Variants in ETNK1 observed in about 807,000 individuals in gnomAD.
ETNK1 encodes putative protein product of Nbla10396.
A neutral mutation model predicts 45.1 loss-of-function variants in ETNK1; 8 were observed. The observed-to-expected ratio is 0.18, with a 90% CI of 0.10 to 0.32. ETNK1 has a LOEUF of 0.32. ETNK1 is among the 10% of genes least tolerant of loss of function. ETNK1 has a pLI of 1.00. For synonymous variants in ETNK1, 152 were observed against 151.9 expected, an observed-to-expected ratio of 1.00 and a Z score of -0.01; for missense variants, 302 against 430.6, an observed-to-expected ratio of 0.70 and a Z score of 2.64.
In ETNK1 at chr12:22,657,088, G is replaced by T. The variant is rs188917415; in HGVS notation, c.417-1926G>T. Among the ~76,000 whole-genome samples, 429 of 152,174 alleles carry T rather than the reference G, an allele frequency of 2.8e-3. 2 individuals are homozygous for T. Among genetic ancestry groups the T allele is most frequent in the African/African-American group, 9.9e-3 (412 of 41,506 alleles). ...TATCACCACCTGGCCTTTCCATCAA[G>T]TTGCCTGGTGCTTAAGTACCACAGT... On this transcript the variant is annotated intron_variant, in intron 2 of 7. Transcript: ENST00000266517.
At chr12:22,673,863 C>T (rs1325961093) in intron 6 of ETNK1, among the ~76,000 whole-genome samples, 1 of 152,136 alleles carries the variant, frequency 6.6e-6, no homozygotes, top group Non-Finnish European at 1.5e-5. Flanking sequence ...CCTGCTATAT[C>T]CCCATCCCCT....
rs762090798 is a variant in ETNK1, at chr12:22,625,448, C to T, written c.18C>T (p.His6=). 1.3e-5 allele frequency: 21 copies of T among 1,592,524 alleles called. No homozygotes were observed. The Admixed American group carries it at 3.3e-4, about 25-fold the overall frequency. ...CCTGGGCCATGGCCAATTACATCCACGTCCCTCCCGGCTCCCCGGAGGTGC... is the reference window on the plus strand; with the variant it reads ...CCTGGGCCATGGCCAATTACATCCATGTCCCTCCCGGCTCCCCGGAGGTGC... MANYI[H]VPPGSPEVPK... is the part of the protein sequence containing the mutation. Residue 6 remains histidine (H), a synonymous_variant, in exon 1 of 8, where the codon CAC becomes CAT. Coordinates refer to ENST00000266517, the MANE Select transcript of ETNK1 (RefSeq NM_018638.5).
intron 2 of ETNK1, among the ~76,000 whole-genome samples, chr12:22,645,432 C>T (rs1417051829): frequency 1.3e-5 from 2 of 151,760 alleles, no homozygotes; most frequent in Non-Finnish European, 3.0e-5. Flanking sequence ...TCAAGGCTGA[C>T]TTTGGTATTT....
At chr12:22,682,311 A>G (rs1347104193) in intron 6 of ETNK1, 1 of 492,116 alleles carries the variant, frequency 2.0e-6, no homozygotes, top group Admixed American at 2.1e-5. Context: ...CATTGGCAAC[A>G]AATATTGTCA....
intron 6 of ETNK1, among the ~76,000 whole-genome samples, chr12:22,679,057 G>A (rs1170245378): frequency 6.6e-6 from 1 of 152,210 alleles, no homozygotes; most frequent in Admixed American, 6.5e-5. Flanking sequence ...AGAACTAATG[G>A]GATATATGTA....
intron 1 of ETNK1, among the ~76,000 whole-genome samples, chr12:22,630,076 A>G (rs371858612): frequency 6.6e-6 from 1 of 152,240 alleles, no homozygotes; most frequent in South Asian, 2.1e-4. Context: ...ACTGCGTCAC[A>G]TCTTTTTGGG....
chr12:22,635,537 T>C (rs937119689), intron 1 of ETNK1, among the ~76,000 whole-genome samples: 2 of 152,246 alleles, frequency 1.3e-5, no homozygotes, highest in African/African-American at 4.8e-5. Context: ...AGACTTCTAC[T>C]CCTGATATTA....
intron 1 of ETNK1, among the ~76,000 whole-genome samples, chr12:22,640,592 T>G (rs749878708): frequency 6.6e-6 from 1 of 152,194 alleles, no homozygotes; most frequent in Admixed American, 6.5e-5. Context: ...GAAATTTAAA[T>G]GTATCATTGG....
At chr12:22,656,583 G>A in intron 2 of ETNK1, 2 of 985,350 alleles carry the variant, frequency 2.0e-6, no homozygotes, top group Non-Finnish European at 2.4e-6. Context: ...TGGGCCTTCT[G>A]CTCTCCCAGA....
chr12:22,647,155 A>T (rs9645727), intron 2 of ETNK1, among the ~76,000 whole-genome samples: 34,979 of 151,702 alleles, frequency 0.23, 4,898 homozygotes, highest in Non-Finnish European at 0.33. Flanking sequence ...CCTTCAGAAA[A>T]TTTTTTAAAA....
At chr12:22,634,679 C>T (rs996225059) in intron 1 of ETNK1, among the ~76,000 whole-genome samples, 2 of 152,076 alleles carry the variant, frequency 1.3e-5, no homozygotes, top group Non-Finnish European at 2.9e-5. Flanking sequence ...ACTACAGCCT[C>T]GACCATGTGC....
chr12:22,659,998 C>G (rs555245900), intron 3 of ETNK1, among the ~76,000 whole-genome samples: 2 of 149,496 alleles, frequency 1.3e-5, no homozygotes, highest in African/African-American at 4.9e-5. Flanking sequence ...GTTTTATAAT[C>G]CTTCGAATCC....
intron 1 of ETNK1, chr12:22,625,797 A>G (rs1208769246): frequency 1.3e-6 from 1 of 772,752 alleles, no homozygotes; most frequent in Non-Finnish European, 2.2e-6. Context: ...GACCTGAGGC[A>G]CATTTTCTCT....
At chr12:22,680,573 T>C (rs1379651186) in intron 6 of ETNK1, among the ~76,000 whole-genome samples, 1 of 152,192 alleles carries the variant, frequency 6.6e-6, no homozygotes, top group Admixed American at 6.5e-5. Context: ...TGGAATGCCT[T>C]TTACCCTGCA....
chr12:22,630,685 A>G (rs1953567295), intron 1 of ETNK1, among the ~76,000 whole-genome samples: 1 of 152,024 alleles, frequency 6.6e-6, no homozygotes, highest in East Asian at 1.9e-4. Context: ...ATCTCAGCTC[A>G]CTGCAACCTC....
intron 6 of ETNK1, among the ~76,000 whole-genome samples, chr12:22,682,613 A>G (rs1263491577): frequency 6.6e-6 from 1 of 152,166 alleles, no homozygotes; most frequent in Admixed American, 6.5e-5. Flanking sequence ...GAGATTTAAT[A>G]AAATTAATAG....
At chr12:22,638,027 G>T (rs1051814297) in intron 1 of ETNK1, among the ~76,000 whole-genome samples, 4 of 151,456 alleles carry the variant, frequency 2.6e-5, no homozygotes, top group Non-Finnish European at 5.9e-5. Flanking sequence ...GAGGTCTATT[G>T]TTGATTGATA....
chr12:22,635,680 T>A (rs576473154), intron 1 of ETNK1, among the ~76,000 whole-genome samples: 30 of 152,330 alleles, frequency 2.0e-4, no homozygotes, highest in African/African-American at 7.0e-4. Context: ...TTCCAATGAG[T>A]TGATGCATAT....
At chr12:22,660,310 G>A (rs879197636) in intron 3 of ETNK1, among the ~76,000 whole-genome samples, 3 of 152,118 alleles carry the variant, frequency 2.0e-5, no homozygotes, top group East Asian at 1.9e-4. Context: ...GAGTATAGCC[G>A]TTTTGTAAGC....
Sources: gnomAD v4.1 joint callset for allele counts (sites outside exome capture counted in the v4.1 genomes callset) on GRCh38, gnomAD v4.1.1 for gene constraint, MANE v1.5 for transcripts, NCBI Gene and HGNC (gene_info 2026-07-23, HGNC 2026-07-21) for gene names.